The following MIB1 variants were observed in gnomAD, a reference collection of about 807,000 sequenced individuals.
The protein encoded by MIB1 is E3 ubiquitin-protein ligase MIB1.
A neutral mutation model predicts 124.5 loss-of-function variants in MIB1; 278 were observed. The ratio of observed to expected loss-of-function variants is 2.23; its 90% CI spans 2.02 to 2.47. MIB1 has a LOEUF of 2.47. Among genes scored for constraint, MIB1 ranks in the 30% most tolerant of loss-of-function variants. MIB1 has a pLI of 0.00. For synonymous variants in MIB1, 446 were observed against 429.4 expected (o/e 1.04, Z -0.48); for missense variants, 957 against 1,254.4 (o/e 0.76, Z 3.58).
chr18:21,859,001 T>A (rs1267827322), intron 20 of MIB1, among the ~76,000 whole-genome samples: 1 of 152,166 alleles, frequency 6.6e-6, no homozygotes, highest in Non-Finnish European at 1.5e-5. Context: ...ACACTGCTGG[T>A]GGGAATATAT....
chr18:21,841,633 T>C (rs778996741), intron 13 of MIB1, among the ~76,000 whole-genome samples: 1 of 152,028 alleles, frequency 6.6e-6, no homozygotes, highest in Non-Finnish European at 1.5e-5. Flanking sequence ...GTTTTTTTTT[T>C]AAAGCAGGCA....
chr18:21,772,822 G>A (rs2041237925), intron 3 of MIB1, among the ~76,000 whole-genome samples: 1 of 152,124 alleles, frequency 6.6e-6, no homozygotes. Flanking sequence ...AGGAGCAAAA[G>A]CAACTCAAGA....
rs1258408150 is a variant in MIB1 at position 21,865,471 on chromosome 18, G to A, written c.*805G>A. 5 of 151,966 alleles carry A rather than the reference G, an allele frequency of 3.3e-5. No homozygotes were observed. Among genetic ancestry groups the A allele is most frequent in the Admixed American group, 3.3e-4 (5 of 15,246 alleles). 9.4% of individuals were successfully genotyped at this position (151,966 alleles called of 1,614,324 possible). On this transcript the variant is annotated 3_prime_UTR_variant, in exon 21 of 21. Transcript: ENST00000261537. ...ATTAATTTATACACTATTTTGTTCAGCCAGTGTTTTTAAAAAAAATCTATG... is the reference window on the plus strand; with the variant it reads ...ATTAATTTATACACTATTTTGTTCAACCAGTGTTTTTAAAAAAAATCTATG...
chr18:21,854,550 T>C (rs2146516726), intron 18 of MIB1: 1 of 159,176 alleles, frequency 6.3e-6, no homozygotes, highest in Middle Eastern at 3.2e-3. Context: ...CTTAATATAA[T>C]ATTTCCCCCC....
intron 6 of MIB1, among the ~76,000 whole-genome samples, chr18:21,785,616 T>C (rs1265845311): frequency 1.3e-5 from 2 of 152,238 alleles, no homozygotes; most frequent in Non-Finnish European, 2.9e-5. Flanking sequence ...AGTTTGTCTT[T>C]TAGTCTTATG....
Position 21,849,392 on chromosome 18 carries a change from A to G in MIB1, c.2586+4A>G, listed in dbSNP as rs2042163106. 1.9e-6 allele frequency: 3 copies of G among 1,555,334 alleles called. No individual in the cohort carries two copies. On this transcript the variant is annotated splice_donor_region_variant and intron_variant, in intron 17 of 20. Transcript: ENST00000261537. ...ACAGGTTCAATCCAGGACAAAGGTA[A>G]GATATATTTAATATAGTATTTTGTC...
intron 13 of MIB1, among the ~76,000 whole-genome samples, chr18:21,842,832 T>G (rs2042103300): frequency 6.6e-6 from 1 of 152,194 alleles, no homozygotes; most frequent in African/African-American, 2.4e-5. Context: ...TAGTGGAGAT[T>G]GAAAGAGATC....
intron 1 of MIB1, among the ~76,000 whole-genome samples, chr18:21,705,363 A>C (rs1044959351): frequency 1.8e-4 from 28 of 152,254 alleles, no homozygotes; most frequent in African/African-American, 6.3e-4. Flanking sequence ...TGAAAAGGTC[A>C]AGAATAGCAA....
intron 1 of MIB1, among the ~76,000 whole-genome samples, chr18:21,711,186 A>G (rs1345313668): frequency 6.6e-6 from 1 of 152,238 alleles, no homozygotes; most frequent in African/African-American, 2.4e-5. Context: ...TTATTAAATG[A>G]TAGAGAATAC....
At chr18:21,740,105 G>A (rs1220018735), upstream of MIB1, among the ~76,000 whole-genome samples, 2 of 152,126 alleles carry the variant, frequency 1.3e-5, no homozygotes, top group African/African-American at 4.8e-5. Context: ...GCATGCTAAC[G>A]GTGCCAACAG....
intron 13 of MIB1, among the ~76,000 whole-genome samples, chr18:21,841,322 A>G (rs1403122075): frequency 6.6e-6 from 1 of 152,150 alleles, no homozygotes; most frequent in Non-Finnish European, 1.5e-5. Context: ...AGCCAGCATC[A>G]TGCCACTGCA....
At chr18:21,761,847 T>A (rs1340546786) in intron 1 of MIB1, among the ~76,000 whole-genome samples, 1 of 152,156 alleles carries the variant, frequency 6.6e-6, no homozygotes, top group Non-Finnish European at 1.5e-5. Context: ...TATTTTACCA[T>A]TTTAAGGAAA....
intron 2 of MIB1, 78 bp downstream of exon 2, chr18:21,766,021 G>A: frequency 7.2e-7 from 1 of 1,381,018 alleles, no homozygotes; most frequent in South Asian, 1.2e-5. Flanking sequence ...CTTAAAAATA[G>A]GATTAGCAAA....
chr18:21,754,932 A>C (rs1170551637), intron 1 of MIB1, among the ~76,000 whole-genome samples: 2 of 152,178 alleles, frequency 1.3e-5, no homozygotes, highest in Non-Finnish European at 2.9e-5. Context: ...GTCCCTTTGG[A>C]TGAGGAGGGT....
chr18:21,853,250 A>G (rs754307638), intron 18 of MIB1, 32 bp downstream of exon 18: 6 of 1,435,168 alleles, frequency 4.2e-6, no homozygotes, highest in East Asian at 2.3e-5. Context: ...CCTCAATATT[A>G]TTATAAAAAT....
At chr18:21,753,105 A>G (rs532769554) in intron 1 of MIB1, among the ~76,000 whole-genome samples, 11 of 152,308 alleles carry the variant, frequency 7.2e-5, no homozygotes, top group African/African-American at 2.6e-4. Context: ...GGAAAAATAT[A>G]TGTAGAAAAA....
chr18:21,771,844 A>AC (rs145159507), intron 3 of MIB1, among the ~76,000 whole-genome samples: 4,882 of 152,076 alleles, frequency 0.032, 293 homozygotes, highest in African/African-American at 0.11. Context: ...AAAAAAAAAA[A>AC]CGAAAATTAG....
intron 6 of MIB1, among the ~76,000 whole-genome samples, chr18:21,780,700 G>A (rs1418526000): frequency 6.6e-6 from 1 of 152,128 alleles, no homozygotes; most frequent in Non-Finnish European, 1.5e-5. Flanking sequence ...TTTCTCCCCT[G>A]GCCTCCCAAA....
intron 12 of MIB1, among the ~76,000 whole-genome samples, chr18:21,824,347 T>G (rs1018370532): frequency 1.3e-5 from 2 of 152,136 alleles, no homozygotes; most frequent in Non-Finnish European, 2.9e-5. Context: ...GTTGTGATGC[T>G]TTTTTTACTT....
Sources: allele counts gnomAD v4.1 joint callset (sites outside exome capture counted in the v4.1 genomes callset), GRCh38; gene constraint gnomAD v4.1.1; transcripts MANE v1.5; gene names NCBI Gene and HGNC (gene_info 2026-07-23, HGNC 2026-07-21).